The following ZNF804B variants were observed in gnomAD, a reference collection of about 807,000 sequenced individuals.
ZNF804B encodes zinc finger protein 804B, also known as zinc finger 804B.
Under a neutral mutation model 101.4 loss-of-function variants are expected in ZNF804B, and 80 were observed. That is an observed-to-expected ratio of 0.79 (90% CI 0.66 to 0.95). The LOEUF (loss-of-function observed/expected upper bound fraction) is 0.95, where lower values mean the gene tolerates loss of function less well. ZNF804B is among the 40% of genes least tolerant of loss of function. The pLI, the probability that ZNF804B is intolerant of heterozygous loss-of-function variation, is 0.00. For synonymous variants in ZNF804B, 622 were observed against 558.8 expected, an observed-to-expected ratio of 1.11 and a Z score of -1.59; for missense variants, 1,673 against 1,561.9, an observed-to-expected ratio of 1.07 and a Z score of -1.20.
intron 1 of ZNF804B, among the ~76,000 whole-genome samples, chr7:89,166,677 G>A (rs1452607986): frequency 1.3e-5 from 2 of 152,108 alleles, no homozygotes; most frequent in South Asian, 2.1e-4. Context: ...GTCCCATAGC[G>A]TTATTTAAGG....
chr7:89,100,000 A>G (rs1430271406), intron 1 of ZNF804B, among the ~76,000 whole-genome samples: 1 of 152,210 alleles, frequency 6.6e-6, no homozygotes, highest in African/African-American at 2.4e-5. Flanking sequence ...GCTAGAACCT[A>G]GGTAGAGGTT....
intron 2 of ZNF804B, among the ~76,000 whole-genome samples, chr7:89,220,704 G>A (rs942125103): frequency 6.6e-6 from 1 of 151,870 alleles, no homozygotes; most frequent in South Asian, 2.1e-4. Context: ...ACCAGTTAGT[G>A]CTCTTGTTAC....
intron 1 of ZNF804B, among the ~76,000 whole-genome samples, chr7:89,042,657 G>A (rs773724856): frequency 8.6e-5 from 13 of 151,930 alleles, no homozygotes; most frequent in South Asian, 2.1e-4. Flanking sequence ...TCATAATTTG[G>A]GACTAATGCA....
At chr7:89,153,438 A>G (rs12532027) in intron 1 of ZNF804B, among the ~76,000 whole-genome samples, 25,997 of 120,856 alleles carry the variant, frequency 0.22, 2,488 homozygotes, top group African/African-American at 0.26. Context: ...TGATAATAAT[A>G]ATAATAATAA....
At chr7:89,066,201 A>C (rs185718103) in intron 1 of ZNF804B, among the ~76,000 whole-genome samples, 2 of 152,130 alleles carry the variant, frequency 1.3e-5, no homozygotes, top group East Asian at 3.9e-4. Flanking sequence ...TTCATGGGAC[A>C]TATTGATCAC....
At chr7:88,946,972 C>G (rs1163819774) in intron 1 of ZNF804B, among the ~76,000 whole-genome samples, 1 of 152,020 alleles carries the variant, frequency 6.6e-6, no homozygotes, top group African/African-American at 2.4e-5. Context: ...GAGATACCAT[C>G]TCACGCCAGT....
intron 1 of ZNF804B, among the ~76,000 whole-genome samples, chr7:88,804,226 G>C (rs1790651299): frequency 6.6e-6 from 1 of 152,110 alleles, no homozygotes; most frequent in South Asian, 2.1e-4. Flanking sequence ...TCAGTAAGAA[G>C]AATGAAAGCA....
chr7:88,892,084 G>A (rs1792222638), intron 1 of ZNF804B, among the ~76,000 whole-genome samples: 1 of 151,944 alleles, frequency 6.6e-6, no homozygotes, highest in African/African-American at 2.4e-5. Flanking sequence ...GTTACCTCCA[G>A]CCACCCTACT....
chr7:88,821,089 C>T (rs533688349), intron 1 of ZNF804B, among the ~76,000 whole-genome samples: 1 of 152,206 alleles, frequency 6.6e-6, no homozygotes, highest in Admixed American at 6.5e-5. Context: ...TGAATTTGGC[C>T]TACAGAAGGT....
In ZNF804B at chr7:88,879,754, T is replaced by G. The variant is rs373009876; in HGVS notation, c.108+119670T>G. On this transcript the variant is annotated intron_variant, in intron 1 of 3. Transcript: ENST00000333190. ...AGTGTAGGTAGAGTTAAAAGCCACT[T>G]GAAGGCAGGCATGGTGGCTCATGCC... Among the ~76,000 whole-genome samples, 9 of 152,130 alleles carry G rather than the reference T, an allele frequency of 5.9e-5. No homozygotes were observed. In the East Asian group the frequency reaches 1.3e-3, roughly 23 times the overall value.
In ZNF804B at chr7:88,911,994, A is replaced by G. The variant is rs539433077; in HGVS notation, c.108+151910A>G. 7.2e-5 allele frequency among the ~76,000 whole-genome samples: 11 copies of G among 152,016 alleles called. No individual in the cohort carries two copies. In the East Asian group the frequency reaches 1.3e-3, roughly 19 times the overall value. ...AAGTAATATCTCATCCTATAAATAT[A>G]CAGTAATTTGCTTATCCATTTTCCT... is the stretch of plus-strand genomic sequence containing the variant. On this transcript the variant is annotated intron_variant, in intron 1 of 3. Coordinates refer to ENST00000333190, the MANE Select transcript of ZNF804B (RefSeq NM_181646.5).
intron 1 of ZNF804B, chr7:88,794,673 G>A (rs1790447696): frequency 6.2e-7 from 1 of 1,613,640 alleles, no homozygotes; most frequent in Non-Finnish European, 8.5e-7. Flanking sequence ...TGGGATAGAT[G>A]AGCAGCAATC....
intron 2 of ZNF804B, among the ~76,000 whole-genome samples, chr7:89,278,532 G>T (rs1340188857): frequency 6.6e-6 from 1 of 151,902 alleles, no homozygotes; most frequent in Non-Finnish European, 1.5e-5. Flanking sequence ...TTTGTATAAG[G>T]TGTAAGGAAG....
At chr7:88,897,573 A>T (rs2115944120) in intron 1 of ZNF804B, among the ~76,000 whole-genome samples, 1 of 152,292 alleles carries the variant, frequency 6.6e-6, no homozygotes, top group South Asian at 2.1e-4. Context: ...CTAATACATT[A>T]TGTCATGAAA....
At chr7:88,944,810 T>G (rs983610674) in intron 1 of ZNF804B, among the ~76,000 whole-genome samples, 1 of 151,870 alleles carries the variant, frequency 6.6e-6, no homozygotes, top group Admixed American at 6.6e-5. Context: ...GCTGACAGAC[T>G]CAAGTAGAAA....
chr7:89,093,994 C>A (rs967477289), intron 1 of ZNF804B, among the ~76,000 whole-genome samples: 1 of 152,158 alleles, frequency 6.6e-6, no homozygotes, highest in Non-Finnish European at 1.5e-5. Flanking sequence ...GGATAGGTGA[C>A]CTACTGTTAG....
At chr7:89,324,580 A>G (rs191893681) in intron 2 of ZNF804B, among the ~76,000 whole-genome samples, 28 of 146,650 alleles carry the variant, frequency 1.9e-4, no homozygotes, top group Middle Eastern at 7.2e-3. Flanking sequence ...TTTATTTTAT[A>G]ATTGTCCAGT....
intron 1 of ZNF804B, among the ~76,000 whole-genome samples, chr7:89,024,940 G>A (rs1442121147): frequency 6.6e-6 from 1 of 151,914 alleles, no homozygotes; most frequent in East Asian, 1.9e-4. Context: ...GTCCAGGAGG[G>A]AATGAGGACA....
At chr7:89,205,709 T>C (rs1788705218) in intron 1 of ZNF804B, among the ~76,000 whole-genome samples, 1 of 152,134 alleles carries the variant, frequency 6.6e-6, no homozygotes, top group South Asian at 2.1e-4. Flanking sequence ...CCTGGCTGTT[T>C]TCATGGGCAG....
Sources: gnomAD v4.1 joint callset for allele counts (sites outside exome capture counted in the v4.1 genomes callset) on GRCh38, gnomAD v4.1.1 for gene constraint, MANE v1.5 for transcripts, NCBI Gene and HGNC (gene_info 2026-07-23, HGNC 2026-07-21) for gene names.